The following PKIB variants were observed in gnomAD, a reference collection of about 807,000 sequenced individuals.
PKIB encodes PKI-beta.
A neutral mutation model predicts 4.5 loss-of-function variants in PKIB; 2 were observed. That is an observed-to-expected ratio of 0.44 (90% confidence interval 0.18 to 1.39). The LOEUF (loss-of-function observed/expected upper bound fraction) is 1.39, where lower values mean the gene tolerates loss of function less well. PKIB is among the 40% of genes most tolerant of loss of function. PKIB has a pLI of 0.27. For missense variants in PKIB, 94 were observed against 92.6 expected (o/e 1.02, Z -0.06); for synonymous variants, 38 against 36.0 (o/e 1.06, Z -0.20).
intron 3 of PKIB, 98 bp from the exon 4 acceptor site, chr6:122,717,689 C>G (rs906449615): frequency 1.7e-6 from 2 of 1,144,876 alleles, no homozygotes; most frequent in Non-Finnish European, 2.5e-6. Flanking sequence ...GACTCTCAAG[C>G]CTGTTGTGTT....
At chr6:122,533,638 A>G (rs1276365636) in intron 2 of PKIB, among the ~76,000 whole-genome samples, 1 of 152,220 alleles carries the variant, frequency 6.6e-6, no homozygotes, top group Non-Finnish European at 1.5e-5. Context: ...ATGTTTTAAA[A>G]TCAATGCGAG....
chr6:122,683,750 A>C (rs1777991009), intron 3 of PKIB, among the ~76,000 whole-genome samples: 1 of 152,210 alleles, frequency 6.6e-6, no homozygotes, highest in South Asian at 2.1e-4. Flanking sequence ...CTGACTTCTA[A>C]GCAAGACTCA....
chr6:122,579,079 C>G (rs1773631006), intron 2 of PKIB, among the ~76,000 whole-genome samples: 1 of 152,142 alleles, frequency 6.6e-6, no homozygotes, highest in African/African-American at 2.4e-5. Flanking sequence ...TCATCAGCAG[C>G]TTGAGAATGG....
At chr6:122,557,016 C>T (rs1772863748) in intron 2 of PKIB, among the ~76,000 whole-genome samples, 1 of 152,120 alleles carries the variant, frequency 6.6e-6, no homozygotes, top group South Asian at 2.1e-4. Context: ...AGGTCTGAGA[C>T]CAGCCTGGCC....
chr6:122,572,152 C>T (rs1261492385), intron 2 of PKIB, among the ~76,000 whole-genome samples: 1 of 152,008 alleles, frequency 6.6e-6, no homozygotes, highest in African/African-American at 2.4e-5. Context: ...ACTATTCTTA[C>T]ATTAGACAAA....
chr6:122,570,844 G>C (rs2114691137), intron 2 of PKIB, among the ~76,000 whole-genome samples: 1 of 152,176 alleles, frequency 6.6e-6, no homozygotes, highest in East Asian at 1.9e-4. Flanking sequence ...TGACAAAAGA[G>C]AGTTCTGTAA....
At chr6:122,656,993 C>T (rs915355630) in intron 2 of PKIB, among the ~76,000 whole-genome samples, 1 of 151,958 alleles carries the variant, frequency 6.6e-6, no homozygotes, top group Non-Finnish European at 1.5e-5. Flanking sequence ...TATATATGTT[C>T]TATATTCTCT....
At chr6:122,528,237 G>A (rs1221809253) in intron 2 of PKIB, among the ~76,000 whole-genome samples, 1 of 152,114 alleles carries the variant, frequency 6.6e-6, no homozygotes, top group Non-Finnish European at 1.5e-5. Context: ...TTTGCATGGA[G>A]TATCTTTTCC....
chr6:122,714,154 T>C (rs1779385444), intron 3 of PKIB, among the ~76,000 whole-genome samples: 1 of 152,166 alleles, frequency 6.6e-6, no homozygotes, highest in Admixed American at 6.5e-5. Flanking sequence ...CATTGACACA[T>C]TTGGTCAGGA....
chr6:122,690,942 T>C (rs1778323081), intron 3 of PKIB, among the ~76,000 whole-genome samples: 1 of 148,410 alleles, frequency 6.7e-6, no homozygotes, highest in South Asian at 2.1e-4. Context: ...ATTTTTTTTT[T>C]TTTTTGCCAA....
chr6:122,562,093 TC>T (rs1773053804), intron 2 of PKIB, among the ~76,000 whole-genome samples: 1 of 148,500 alleles, frequency 6.7e-6, no homozygotes, highest in Admixed American at 6.9e-5. Context: ...TTTGATGTGT[TC>T]CCAGGATTAG....
chr6:122,686,017 A>G (rs13210118), intron 3 of PKIB, among the ~76,000 whole-genome samples: 35,984 of 152,126 alleles, frequency 0.24, 4,721 homozygotes, highest in Non-Finnish European at 0.28. Context: ...ATAGTACTCC[A>G]TTGTGTATAG....
chr6:122,541,350 C>A (rs1582686648), intron 2 of PKIB, among the ~76,000 whole-genome samples: 1 of 151,804 alleles, frequency 6.6e-6, no homozygotes, highest in African/African-American at 2.4e-5. Flanking sequence ...TTAGTGCTTC[C>A]TTCAGGAGCT....
chr6:122,635,547 T>TAA (rs79870623), intron 2 of PKIB, among the ~76,000 whole-genome samples: 5 of 83,766 alleles, frequency 6.0e-5, no homozygotes, highest in Admixed American at 1.2e-4. Flanking sequence ...ACCAAAAAAG[T>TAA]AAAAAAAAAA....
intron 3 of PKIB, among the ~76,000 whole-genome samples, chr6:122,587,273 G>A (rs372552299): frequency 1.8e-3 from 272 of 152,128 alleles, no homozygotes; most frequent in East Asian, 5.8e-3. Context: ...GAGAACATGC[G>A]GTGTTTGGTT....
At chr6:122,546,162 A>G (rs1413780205) in intron 2 of PKIB, among the ~76,000 whole-genome samples, 1 of 152,020 alleles carries the variant, frequency 6.6e-6, no homozygotes, top group African/African-American at 2.4e-5. Flanking sequence ...CCTTTTCTTG[A>G]GAAGAGAAGT....
chr6:122,579,541 C>T (rs755662523), intron 2 of PKIB, among the ~76,000 whole-genome samples: 24 of 152,212 alleles, frequency 1.6e-4, no homozygotes, highest in Non-Finnish European at 3.1e-4. Context: ...GTATATTACT[C>T]ATATTTATGG....
intron 3 of PKIB, among the ~76,000 whole-genome samples, chr6:122,691,919 A>G (rs1778371555): frequency 6.6e-6 from 1 of 152,206 alleles, no homozygotes; most frequent in Non-Finnish European, 1.5e-5. Context: ...CAAGCCCAGT[A>G]ACACTGTGGT....
intron 2 of PKIB, among the ~76,000 whole-genome samples, chr6:122,536,100 C>T (rs1352077309): frequency 6.6e-6 from 1 of 152,090 alleles, no homozygotes; most frequent in Non-Finnish European, 1.5e-5. Context: ...CCACCATGCC[C>T]AGCTAATTTT....
Sources: gnomAD v4.1 joint callset for allele counts (sites outside exome capture counted in the v4.1 genomes callset) on GRCh38, gnomAD v4.1.1 for gene constraint, MANE v1.5 for transcripts, NCBI Gene and HGNC (gene_info 2026-07-23, HGNC 2026-07-21) for gene names.